DET1: variants seen among roughly 807,000 people sequenced by gnomAD.
The protein encoded by DET1 is DET1 homolog.
DET1 carries 22 observed loss-of-function variants against 43.7 expected under a neutral mutation model. The ratio of observed to expected loss-of-function variants is 0.50; its 90% confidence interval spans 0.36 to 0.72. The LOEUF is 0.72. DET1 is among the 30% of genes least tolerant of loss of function. DET1 has a pLI of 0.00. For missense variants in DET1, 713 were observed against 713.3 expected (o/e 1.00, Z 0.00); for synonymous variants, 315 against 266.2 (o/e 1.18, Z -1.79).
chr15:88,543,825 G>A (rs970999013), intron 1 of DET1, among the ~76,000 whole-genome samples: 45 of 152,182 alleles, frequency 3.0e-4, no homozygotes, highest in African/African-American at 1.0e-3. Context: ...CAGCAGGAAA[G>A]GCTATCAAAA....
intron 3 of DET1, among the ~76,000 whole-genome samples, chr15:88,523,686 C>T (rs1005573503): frequency 6.6e-6 from 1 of 152,246 alleles, no homozygotes; most frequent in African/African-American, 2.4e-5. Context: ...AGTGATCTGC[C>T]CGCCTCGGCC....
rs776856246 is a variant in DET1, at chr15:88,527,677, C to A, written c.1193G>T (p.Arg398Leu). ...AACTTCACTGTGCAGGGTAGCATTA[C>A]GAAAAAGGTCACAGAAGTTCTCAAA... is the stretch of plus-strand genomic sequence containing the variant. Reference protein sequence around the residue: ...ELFENFCDLFRNATLHSEVQF... With the variant: ...ELFENFCDLFLNATLHSEVQF... Residue 398 changes from arginine (R) to leucine (L), a missense_variant, in exon 3 of 5, where the codon CGT (arginine) becomes CTT (leucine). Transcript: ENST00000268148. 2 of 1,613,542 alleles carry A rather than the reference C, an allele frequency of 1.2e-6. No homozygotes were observed. The highest frequency in any genetic ancestry group is 1.3e-5 in the African/African-American group (1 of 74,866).
Position 88,527,759 on chromosome 15 carries a change from C to T in DET1, c.1111G>A (p.Val371Met). 1 of 1,608,086 alleles carries T rather than the reference C, an allele frequency of 6.2e-7. No homozygotes were observed. Among genetic ancestry groups the T allele is most frequent in the African/African-American group, 1.3e-5 (1 of 74,718 alleles). Residue 371 changes from valine to methionine, a missense_variant, in exon 3 of 5, where the codon GTG (valine) becomes ATG (methionine). By Grantham distance (21) the Val-to-Met change is conservative. Transcript: ENST00000268148. ...AACACAGCAATCACCTCTGTCGTCA[C>T]CATATTGTACACCACAAAGAAAGAT... ...QASFFVVYNMVTTEVIAVFEN... is the reference protein window; with the variant it reads ...QASFFVVYNMMTTEVIAVFEN...
At chr15:88,545,925 A>C (rs2057240636) in intron 1 of DET1, among the ~76,000 whole-genome samples, 6 of 151,216 alleles carry the variant, frequency 4.0e-5, no homozygotes, top group Admixed American at 4.0e-4. Context: ...CCAAGAATTC[A>C]TCTGATTGAT....
chr15:88,541,653 G>A (rs7172450), intron 1 of DET1, among the ~76,000 whole-genome samples: 50,509 of 152,032 alleles, frequency 0.33, 9,387 homozygotes, highest in Middle Eastern at 0.45. Context: ...TGTTCAAGCC[G>A]TGTGGCGGGT....
rs561036086 is a variant in DET1 at position 88,529,410 on chromosome 15, T to C, written c.1083+1213A>G. Among the ~76,000 whole-genome samples the C allele has an allele frequency of 1.3e-5, 2 of 152,184 alleles. 1 individual carries two copies. Among genetic ancestry groups the C allele is most frequent in the East Asian group, 3.8e-4 (2 of 5,198 alleles). On this transcript the variant is annotated intron_variant, in intron 2 of 4. Transcript: ENST00000268148. ...AGGACTTGACTGCAGGATCCCATGATGCATAAGATGAACCAGATGCTCACC... is the reference window on the plus strand; with the variant it reads ...AGGACTTGACTGCAGGATCCCATGACGCATAAGATGAACCAGATGCTCACC...
At position 88,527,676 on chromosome 15, in the gene DET1, A is replaced by G; in HGVS notation, c.1194T>C (p.Arg398=). ...ELFENFCDLF[R]NATLHSEVQF... is the part of the protein sequence containing the mutation. ...GAACTTCACTGTGCAGGGTAGCATT[A>G]CGAAAAAGGTCACAGAAGTTCTCAA... Residue 398 remains arginine (R), a synonymous_variant, in exon 3 of 5, where the codon CGT becomes CGC. Transcript: ENST00000268148. 2 of 1,613,942 alleles carry G rather than the reference A, an allele frequency of 1.2e-6. No homozygotes were observed. Among genetic ancestry groups the G allele is most frequent in the Middle Eastern group, 3.3e-4 (2 of 6,062 alleles).
intron 4 of DET1, among the ~76,000 whole-genome samples, chr15:88,515,057 G>C (rs2056303708): frequency 6.6e-6 from 1 of 151,980 alleles, no homozygotes; most frequent in Non-Finnish European, 1.5e-5. Flanking sequence ...ATTTAAAATG[G>C]GTTGTTTGAC....
chr15:88,510,703 T>G (rs1396030615), downstream of DET1, among the ~76,000 whole-genome samples: 1 of 152,144 alleles, frequency 6.6e-6, no homozygotes, highest in East Asian at 1.9e-4. Context: ...TATCTGGCCG[T>G]AACTCCCTCG....
intron 3 of DET1, among the ~76,000 whole-genome samples, chr15:88,526,624 A>G (rs887493595): frequency 3.1e-4 from 47 of 152,180 alleles, no homozygotes; most frequent in South Asian, 8.3e-4. Context: ...ACAAGCCTGG[A>G]TGCCATATCT....
chr15:88,535,373 G>A (rs2056920718), intron 1 of DET1, among the ~76,000 whole-genome samples: 1 of 151,620 alleles, frequency 6.6e-6, no homozygotes, highest in Non-Finnish European at 1.5e-5. Context: ...AGTCAGTAAA[G>A]CCTCAGGGCC....
At position 88,512,678 on chromosome 15, in the gene DET1, T is replaced by A. The variant is rs2056224981; in HGVS notation, c.*273A>T. On this transcript the variant is annotated 3_prime_UTR_variant, in exon 5 of 5. Transcript: ENST00000268148. ...ATCTTCACAGCAATCAAATGCAAAG[T>A]AAAGCAAAAATGAAATGGACTTAAT... 1 of 1,189,610 alleles carries A rather than the reference T, an allele frequency of 8.4e-7. No individual in the cohort carries two copies. The highest frequency in any genetic ancestry group is 1.0e-6 in the Non-Finnish European group (1 of 959,446). The allele number at this position is 1,189,610 out of a possible 1,614,324, so 73.7% of individuals were successfully genotyped here. A position where few individuals can be genotyped will look rare whatever the true frequency, so the allele number is the denominator to read the frequency against.
intron 4 of DET1, among the ~76,000 whole-genome samples, chr15:88,513,528 AAAT>A (rs745901347): frequency 2.5e-4 from 38 of 152,298 alleles, no homozygotes; most frequent in Non-Finnish European, 4.7e-4. Context: ...AAAAAAATAA[AAAT>A]AAAAAGGGGA....
At chr15:88,543,270 C>A (rs963051160) in intron 1 of DET1, among the ~76,000 whole-genome samples, 5 of 152,198 alleles carry the variant, frequency 3.3e-5, no homozygotes, top group African/African-American at 1.2e-4. Flanking sequence ...GGCCAAGTAG[C>A]AGCTAGAGCA....
chr15:88,514,953 T>C (rs749705902), intron 4 of DET1, among the ~76,000 whole-genome samples: 3 of 152,194 alleles, frequency 2.0e-5, no homozygotes, highest in Non-Finnish European at 2.9e-5. Flanking sequence ...ATGTATCTCA[T>C]GGTACTTGAC....
chr15:88,506,422 A>C (rs1431708111), intron 7 of DET1, among the ~76,000 whole-genome samples: 1 of 149,176 alleles, frequency 6.7e-6, no homozygotes, highest in Non-Finnish European at 1.5e-5. Context: ...ATAGGCAAAG[A>C]CTTCAGAATT....
In DET1 at chr15:88,513,180, G is replaced by C. The variant is rs533617357; in HGVS notation, c.1464-40C>G. The C allele has an allele frequency of 3.2e-6, 5 of 1,544,420 alleles. No individual in the cohort carries two copies. In the South Asian group the frequency reaches 6.0e-5, roughly 18 times the overall value. ...GACAGAGACAGAGAAAGAGGGGACA[G>C]GATTGATATTCACCATCGAACTGAA... On this transcript the variant is annotated intron_variant, in intron 4 of 4. Coordinates refer to ENST00000268148, the MANE Select transcript of DET1 (RefSeq NM_001144074.3).
intron 1 of DET1, among the ~76,000 whole-genome samples, chr15:88,537,402 G>C (rs1356767436): frequency 6.6e-6 from 1 of 152,072 alleles, no homozygotes; most frequent in East Asian, 1.9e-4. Context: ...CCAGGCTGGA[G>C]TACAGTGGTA....
chr15:88,519,303 T>C (rs1387497974), intron 3 of DET1, among the ~76,000 whole-genome samples: 2 of 152,178 alleles, frequency 1.3e-5, no homozygotes, highest in Non-Finnish European at 1.5e-5. Flanking sequence ...TGTCCAGCTA[T>C]ACCTCTCTTA....
Sources: gnomAD v4.1 joint callset for allele counts (sites outside exome capture counted in the v4.1 genomes callset) on GRCh38, gnomAD v4.1.1 for gene constraint, MANE v1.5 for transcripts, NCBI Gene and HGNC (gene_info 2026-07-23, HGNC 2026-07-21) for gene names.